COX14: variants seen among roughly 807,000 people sequenced by gnomAD.
COX14 encodes cytochrome c oxidase assembly protein COX14.
COX14 carries 3 observed loss-of-function variants against 5.8 expected under a neutral mutation model. The observed-to-expected ratio is 0.51, with a 90% CI of 0.23 to 1.33. The LOEUF is 1.33. Among genes scored for constraint, COX14 ranks in the 40% most tolerant of loss-of-function variants. The pLI, the probability that COX14 is intolerant of heterozygous loss-of-function variation, is 0.18. For missense variants in COX14, 72 were observed against 72.1 expected (o/e 1.00, Z 0.01); for synonymous variants, 25 against 26.1 (o/e 0.96, Z 0.13).
intron 1 of COX14, among the ~76,000 whole-genome samples, chr12:50,117,188 A>AT (rs1037774418): frequency 3.3e-5 from 5 of 151,672 alleles, no homozygotes; most frequent in East Asian, 1.9e-4. Flanking sequence ...TTAAAAAAAA[A>AT]TTTTTTTTGT....
intron 1 of COX14, among the ~76,000 whole-genome samples, chr12:50,116,186 A>C (rs142667792): frequency 6.7e-6 from 1 of 148,942 alleles, no homozygotes. Flanking sequence ...TCTGCCTCCC[A>C]GGTTCAAGTG....
At position 50,120,362 on chromosome 12, in the gene COX14, T is replaced by C. The variant is rs1218273900; in HGVS notation, c.*145T>C. ...AGAAAGTGCCCATGGTTTCTCTGGTTCTGCCAGTTTGACAGTTTATGGAGG... is the reference window on the plus strand; with the variant it reads ...AGAAAGTGCCCATGGTTTCTCTGGTCCTGCCAGTTTGACAGTTTATGGAGG... On this transcript the variant is annotated 3_prime_UTR_variant, in exon 2 of 2. Coordinates refer to ENST00000550487, the MANE Select transcript of COX14 (RefSeq NM_032901.4). 4.4e-6 allele frequency: 3 copies of C among 681,574 alleles called. No homozygotes were observed. The highest frequency in any genetic ancestry group is 5.0e-6 in the Non-Finnish European group (2 of 403,302). The allele number at this position is 681,574 out of a possible 1,614,324, so 42.2% of individuals were successfully genotyped here. A position where few individuals can be genotyped will look rare whatever the true frequency, so the allele number is the denominator to read the frequency against.
At chr12:50,117,343 A>G (rs1417609978) in intron 1 of COX14, among the ~76,000 whole-genome samples, 1 of 151,846 alleles carries the variant, frequency 6.6e-6, no homozygotes, top group Non-Finnish European at 1.5e-5. Flanking sequence ...GTTTGTGTGT[A>G]TGCTTTGGTG....
At chr12:50,115,027 A>G (rs1951067871) in intron 1 of COX14, among the ~76,000 whole-genome samples, 1 of 149,218 alleles carries the variant, frequency 6.7e-6, no homozygotes, top group Non-Finnish European at 1.5e-5. Flanking sequence ...TGACCTCCCA[A>G]AGTGCTGGGA....
chr12:50,116,391 C>A (rs1305581012), intron 1 of COX14, among the ~76,000 whole-genome samples: 4 of 152,172 alleles, frequency 2.6e-5, no homozygotes, highest in African/African-American at 9.7e-5. Flanking sequence ...CTGCGCCCGG[C>A]CTGAAGAGTT....
intron 1 of COX14, among the ~76,000 whole-genome samples, chr12:50,114,218 T>TG (rs1491442921): frequency 6.0e-5 from 4 of 66,222 alleles, no homozygotes; most frequent in Admixed American, 5.4e-4. Context: ...TGTAGTTAAA[T>TG]GAAAAAAAAA....
chr12:50,119,042 TAAC>T (rs987430268), intron 1 of COX14, among the ~76,000 whole-genome samples: 1 of 152,218 alleles, frequency 6.6e-6, no homozygotes, highest in African/African-American at 2.4e-5. Context: ...AAATATGAGT[TAAC>T]AATTTGCTGG....
Position 50,120,068 on chromosome 12 carries a change from G to T in COX14, c.25G>T (p.Asp9Tyr), listed in dbSNP as rs1165041443. The T allele has an allele frequency of 1.2e-6, 2 of 1,614,056 alleles. No homozygotes were observed. The highest frequency in any genetic ancestry group is 1.7e-6 in the Non-Finnish European group (2 of 1,180,006). Reference sequence around the variant, plus strand: ...GATGCCAACTGGCAAGCAGCTAGCTGACATTGGCTATAAGACCTTCTCTAC... The same window carrying T: ...GATGCCAACTGGCAAGCAGCTAGCTTACATTGGCTATAAGACCTTCTCTAC... MPTGKQLA[D>Y]IGYKTFSTSM... is the part of the protein sequence containing the mutation. The change falls in exon 2 of 2, where the codon GAC becomes TAC. Residue 9 changes from aspartate (D) to tyrosine (Y), a missense_variant. Physicochemically the swap from Asp to Tyr is radical, Grantham distance 160 (BLOSUM62 -3). Coordinates refer to ENST00000550487, the MANE Select transcript of COX14 (RefSeq NM_032901.4).
At chr12:50,117,895 T>C (rs1951096218) in intron 1 of COX14, among the ~76,000 whole-genome samples, 1 of 151,506 alleles carries the variant, frequency 6.6e-6, no homozygotes, top group African/African-American at 2.4e-5. Context: ...AGGCGCGCAC[T>C]GCCATGCCCA....
chr12:50,119,676 CAG>C (rs1951112864), intron 1 of COX14, among the ~76,000 whole-genome samples: 1 of 152,200 alleles, frequency 6.6e-6, no homozygotes, highest in Admixed American at 6.5e-5. Context: ...GCCTGGGCAA[CAG>C]AGTGAGAACC....
intron 1 of COX14, among the ~76,000 whole-genome samples, chr12:50,119,534 A>G (rs1951111499): frequency 6.6e-6 from 1 of 152,206 alleles, no homozygotes; most frequent in African/African-American, 2.4e-5. Context: ...TGTCTCTACA[A>G]AAGTAGAAAA....
chr12:50,114,770 ATTTTTTTTTTTTTTTTT>A (rs71083507), intron 1 of COX14, among the ~76,000 whole-genome samples: 11 of 70,650 alleles, frequency 1.6e-4, no homozygotes, highest in African/African-American at 3.8e-4. Context: ...GAGTATCTTA[ATTTTTTTTTTTTTTTTT>A]TTTTTTTTTT....
intron 1 of COX14, among the ~76,000 whole-genome samples, chr12:50,115,315 T>A (rs1033976313): frequency 6.7e-6 from 1 of 150,370 alleles, no homozygotes; most frequent in Admixed American, 6.6e-5. Flanking sequence ...CCCGGGTTCA[T>A]GCCATTCTCC....
intron 1 of COX14, chr12:50,118,600 T>G (rs1248420343): frequency 5.5e-6 from 1 of 180,398 alleles, no homozygotes; most frequent in Non-Finnish European, 1.1e-5. Flanking sequence ...ACCCCATCTC[T>G]ACTAAAAATA....
At chr12:50,117,836 C>T (rs1295762065) in intron 1 of COX14, among the ~76,000 whole-genome samples, 2 of 151,576 alleles carry the variant, frequency 1.3e-5, no homozygotes, top group East Asian at 1.9e-4. Context: ...CCTCCGCCTC[C>T]GGGTTCAAGT....
At chr12:50,112,907 CGTTAT>C (rs140120323) in intron 1 of COX14, 58,933 of 149,282 alleles carry the variant, frequency 0.39, 14,611 homozygotes, top group Non-Finnish European at 0.56. Flanking sequence ...GCATGATGTA[CGTTAT>C]GTTATGTTAT....
Position 50,116,312 on chromosome 12 carries a change from C to T in COX14, c.-8-3724C>T, listed in dbSNP as rs551822817. Among the ~76,000 whole-genome samples the T allele has an allele frequency of 2.6e-5, 4 of 152,240 alleles. No individual in the cohort carries two copies. In the East Asian group the frequency reaches 5.8e-4, roughly 22 times the overall value. On this transcript the variant is annotated intron_variant, in intron 1 of 1. Coordinates refer to ENST00000550487, the MANE Select transcript of COX14 (RefSeq NM_032901.4). Reference sequence around the variant, plus strand: ...TTTGCCATGTTGGCCAGGCTGGTCTCGAACTCCTGACCTCAGGTGATCTGC... The same window carrying T: ...TTTGCCATGTTGGCCAGGCTGGTCTTGAACTCCTGACCTCAGGTGATCTGC...
At chr12:50,118,049 CTTTT>C (rs71676031) in intron 1 of COX14, among the ~76,000 whole-genome samples, 1 of 143,994 alleles carries the variant, frequency 6.9e-6, no homozygotes. Context: ...GGCACCCCCC[CTTTT>C]TTTTTTTTTG....
At chr12:50,114,310 C>A (rs1459142205) in intron 1 of COX14, among the ~76,000 whole-genome samples, 1 of 148,240 alleles carries the variant, frequency 6.7e-6, no homozygotes, top group Non-Finnish European at 1.5e-5. Context: ...AGTGCAGTGG[C>A]GCGATCTCAG....
Sources: gnomAD v4.1 joint callset for allele counts (sites outside exome capture counted in the v4.1 genomes callset) on GRCh38, gnomAD v4.1.1 for gene constraint, MANE v1.5 for transcripts, NCBI Gene and HGNC (gene_info 2026-07-23, HGNC 2026-07-21) for gene names.